The following SH3RF2 variants were observed in gnomAD, a reference collection of about 807,000 sequenced individuals.
SH3RF2 encodes the protein E3 ubiquitin-protein ligase SH3RF2.
A neutral mutation model predicts 59.0 loss-of-function variants in SH3RF2; 43 were observed. The ratio of observed to expected loss-of-function variants is 0.73; its 90% CI spans 0.57 to 0.94. The LOEUF is 0.94. SH3RF2 is among the 40% of genes least tolerant of loss of function. The pLI, the probability that SH3RF2 is intolerant of heterozygous loss-of-function variation, is 0.00. For missense variants in SH3RF2, 930 were observed against 940.1 expected (o/e 0.99, Z 0.14); for synonymous variants, 391 against 391.5 (o/e 1.00, Z 0.01).
chr5:145,991,018 A>G (rs755251401), intron 2 of SH3RF2, among the ~76,000 whole-genome samples: 3 of 152,226 alleles, frequency 2.0e-5, no homozygotes, highest in Non-Finnish European at 4.4e-5. Context: ...TCTAGAGTTC[A>G]ATAATTCATG....
chr5:145,969,753 G>A (rs1487769048), intron 2 of SH3RF2, among the ~76,000 whole-genome samples: 1 of 151,682 alleles, frequency 6.6e-6, no homozygotes, highest in African/African-American at 2.4e-5. Context: ...AAAAAATAAA[G>A]TGTACAAACA....
intron 5 of SH3RF2, among the ~76,000 whole-genome samples, chr5:146,040,332 A>G (rs1052159894): frequency 2.6e-5 from 4 of 152,180 alleles, no homozygotes; most frequent in Non-Finnish European, 5.9e-5. Context: ...TATGCAAAAT[A>G]TATTTATAAT....
Position 145,938,115 on chromosome 5 carries a change from C to T in SH3RF2, c.187C>T (p.Leu63=). The change falls in exon 2 of 10, where the codon CTG becomes TTG. Residue 63 remains leucine, a synonymous_variant. Transcript: ENST00000359120. Reference sequence around the variant, plus strand: ...GCCTGTGTTTTCCAACATTGAGGCGCTGCCGGCCAACCTGCTGCTCGTGCG... The same window carrying T: ...GCCTGTGTTTTCCAACATTGAGGCGTTGCCGGCCAACCTGCTGCTCGTGCG... The part of the protein sequence containing the change: ...RTPVFSNIEA[L]PANLLLVRLL... The T allele has an allele frequency of 1.2e-6, 2 of 1,614,238 alleles. No homozygotes were observed. Among genetic ancestry groups the T allele is most frequent in the Non-Finnish European group, 1.7e-6 (2 of 1,180,048 alleles).
At chr5:146,067,771 C>T (rs182910160), downstream of SH3RF2, among the ~76,000 whole-genome samples, 1 of 135,600 alleles carries the variant, frequency 7.4e-6, no homozygotes, top group African/African-American at 2.6e-5. Flanking sequence ...CTGAGCTCCC[C>T]AAGGCCTGCC....
rs143572610 is a variant in SH3RF2, at chr5:146,036,895, G to A, written c.1060-10877G>A. ...CCATGAGAATGGTCAACCTAGCACC[G>A]GGGAAAAGGAAGAAAGACTCCTAAA... On this transcript the variant is annotated intron_variant, in intron 5 of 9. Coordinates refer to ENST00000359120, the MANE Select transcript of SH3RF2 (RefSeq NM_152550.4). 1.4e-3 allele frequency among the ~76,000 whole-genome samples: 215 copies of A among 152,300 alleles called. 1 individual carries two copies. In the Middle Eastern group the frequency reaches 0.031, roughly 22 times the overall value.
chr5:145,965,743 T>C (rs1207338632), intron 2 of SH3RF2, among the ~76,000 whole-genome samples: 1 of 152,200 alleles, frequency 6.6e-6, no homozygotes, highest in Admixed American at 6.5e-5. Context: ...GGGTATATAG[T>C]GCAGAAAACT....
intron 2 of SH3RF2, among the ~76,000 whole-genome samples, chr5:145,955,479 A>T (rs1758359779): frequency 6.6e-6 from 1 of 152,206 alleles, no homozygotes; most frequent in Admixed American, 6.5e-5. Flanking sequence ...GGGTGACAGG[A>T]TCATTCGCGC....
At chr5:146,069,928 TG>T (rs1763196255) in intron 9 of SH3RF2, among the ~76,000 whole-genome samples, 1 of 151,052 alleles carries the variant, frequency 6.6e-6, no homozygotes, top group Admixed American at 6.6e-5. Context: ...AGACTCAGAA[TG>T]TTTCAATTCC....
At chr5:146,025,690 G>A (rs779897691) in intron 5 of SH3RF2, among the ~76,000 whole-genome samples, 9 of 150,794 alleles carry the variant, frequency 6.0e-5, no homozygotes, top group Non-Finnish European at 1.2e-4. Flanking sequence ...TGCCAATGCT[G>A]AAGTGGAATC....
intron 3 of SH3RF2, among the ~76,000 whole-genome samples, chr5:146,002,535 A>AGGAAGGAAGGAAGGAG (rs1405378041): frequency 7.0e-6 from 1 of 143,254 alleles, no homozygotes; most frequent in African/African-American, 2.7e-5. Context: ...GAAGGAAGGA[A>AGGAAGGAAGGAAGGAG]GGATAACCTA....
rs183125083 is a variant in SH3RF2, at chr5:146,024,032, T to C, written c.1059+9971T>C. 5.3e-5 allele frequency among the ~76,000 whole-genome samples: 8 copies of C among 152,366 alleles called. No individual in the cohort carries two copies. The East Asian group carries it at 9.6e-4, about 18-fold the overall frequency. On this transcript the variant is annotated intron_variant, in intron 5 of 9. Transcript: ENST00000359120. ...AATGAATGAGCGTTTGGGTTGTTTTTACTTTTTGGCTATTTTGAATAATGC... is the reference window on the plus strand; with the variant it reads ...AATGAATGAGCGTTTGGGTTGTTTTCACTTTTTGGCTATTTTGAATAATGC...
chr5:146,062,143 G>A (rs993432653), intron 9 of SH3RF2, among the ~76,000 whole-genome samples: 2 of 152,018 alleles, frequency 1.3e-5, no homozygotes, highest in Admixed American at 6.6e-5. Flanking sequence ...TTTTATAGGC[G>A]GCGGCCTACC....
chr5:146,007,623 T>A (rs905681534), intron 4 of SH3RF2, among the ~76,000 whole-genome samples: 1 of 152,190 alleles, frequency 6.6e-6, no homozygotes, highest in Admixed American at 6.5e-5. Flanking sequence ...GCACCAGTCA[T>A]CTTATTACCC....
intron 2 of SH3RF2, among the ~76,000 whole-genome samples, chr5:145,960,723 G>GA (rs1300049387): frequency 6.6e-6 from 1 of 152,096 alleles, no homozygotes; most frequent in Non-Finnish European, 1.5e-5. Flanking sequence ...TAATATTTCT[G>GA]AAAAATGGAA....
chr5:145,972,563 C>T (rs1759129135), intron 2 of SH3RF2, among the ~76,000 whole-genome samples: 1 of 152,176 alleles, frequency 6.6e-6, no homozygotes, highest in South Asian at 2.1e-4. Context: ...TCAGTGACGG[C>T]CCAGAGCCAG....
At position 146,047,978 on chromosome 5, in the gene SH3RF2, G is replaced by T; in HGVS notation, c.1151+115G>T. The T allele has an allele frequency of 2.9e-6, 3 of 1,017,560 alleles. No homozygotes were observed. In the South Asian group the frequency reaches 4.5e-5, roughly 15 times the overall value. 63.0% of individuals were successfully genotyped at this position (1,017,560 alleles called of 1,614,324 possible). A position where few individuals can be genotyped will look rare whatever the true frequency, so the allele number is the denominator to read the frequency against. The stretch of plus-strand genomic sequence containing the variant: ...AAAACATCCCATCCAGAGACAATAG[G>T]TCGCCTTCCTTTACCACTTCCAAGT... On this transcript the variant is annotated intron_variant, in intron 6 of 9. Transcript: ENST00000359120.
At chr5:145,951,077 T>C (rs995913150) in intron 2 of SH3RF2, among the ~76,000 whole-genome samples, 5 of 152,266 alleles carry the variant, frequency 3.3e-5, no homozygotes, top group African/African-American at 1.2e-4. Flanking sequence ...TTTGCATTTA[T>C]GTTTTTAAGA....
At position 146,014,397 on chromosome 5, in the gene SH3RF2, A is replaced by G. The variant is rs563138544; in HGVS notation, c.1059+336A>G. ...CTGTCCCTTAGAGAACTTCCCTCTAAGGAGATGATGGCACCTATTTTCTCG... is the reference window on the plus strand; with the variant it reads ...CTGTCCCTTAGAGAACTTCCCTCTAGGGAGATGATGGCACCTATTTTCTCG... On this transcript the variant is annotated intron_variant, in intron 5 of 9. Coordinates refer to ENST00000359120, the MANE Select transcript of SH3RF2 (RefSeq NM_152550.4). 2.6e-5 allele frequency among the ~76,000 whole-genome samples: 4 copies of G among 152,292 alleles called. No individual in the cohort carries two copies. The East Asian group carries it at 5.8e-4, about 22-fold the overall frequency.
intron 8 of SH3RF2, among the ~76,000 whole-genome samples, chr5:146,057,373 A>G (rs1308320269): frequency 6.6e-6 from 1 of 152,036 alleles, no homozygotes; most frequent in African/African-American, 2.4e-5. Flanking sequence ...CAACACACAC[A>G]CACAATAAGT....
Sources: gnomAD v4.1 joint callset for allele counts (sites outside exome capture counted in the v4.1 genomes callset) on GRCh38, gnomAD v4.1.1 for gene constraint, MANE v1.5 for transcripts, NCBI Gene and HGNC (gene_info 2026-07-23, HGNC 2026-07-21) for gene names.